DLG2: variants seen among roughly 807,000 people sequenced by gnomAD.
The protein encoded by DLG2 is disks large homolog 2.
DLG2 carries 45 observed loss-of-function variants against 132.5 expected under a neutral mutation model. The observed-to-expected ratio is 0.34, with a 90% CI of 0.27 to 0.44. The LOEUF is 0.44. Among genes scored for constraint, DLG2 ranks in the 20% least tolerant of loss-of-function variants. The probability of loss-of-function intolerance (pLI) is 1.00; values close to 1 mark genes in which losing one functional copy is unlikely to be tolerated. For synonymous variants in DLG2, 424 were observed against 419.6 expected (o/e 1.01, Z -0.13); for missense variants, 1,045 against 1,196.9 (o/e 0.87, Z 1.87).
Position 84,162,426 on chromosome 11 carries a change from G to C in DLG2, c.624+1035C>G, listed in dbSNP as rs543289314. On this transcript the variant is annotated intron_variant, in intron 9 of 27. Transcript: ENST00000376104. ...TAATCTAGGTAGACCTTCTATCCTT[G>C]CAATTACATATTTTTCTAAAGTATT... 2.2e-3 allele frequency among the ~76,000 whole-genome samples: 327 copies of C among 151,238 alleles called. 1 individual carries two copies. Among genetic ancestry groups the C allele is most frequent in the African/African-American group, 7.4e-3 (307 of 41,280 alleles).
chr11:83,833,600 A>G lies in DLG2; in HGVS notation c.1722+14T>C. The G allele has an allele frequency of 1.2e-6, 2 of 1,604,370 alleles. No individual in the cohort carries two copies. Among genetic ancestry groups the G allele is most frequent in the Non-Finnish European group, 1.7e-6 (2 of 1,175,640 alleles). The stretch of plus-strand genomic sequence containing the variant: ...CAGATATGGAGGGAATAAAGATTAA[A>G]GAAACATACTCACCGATAGGATCTG... On this transcript the variant is annotated intron_variant, in intron 17 of 27. Transcript: ENST00000376104.
At chr11:83,777,304 G>C (rs373709097) in intron 18 of DLG2, among the ~76,000 whole-genome samples, 1 of 152,150 alleles carries the variant, frequency 6.6e-6, no homozygotes, top group East Asian at 1.9e-4. Context: ...GTCTTTTAAA[G>C]ACTTAGGTAA....
chr11:83,654,704 G>T (rs1379121937), intron 18 of DLG2, among the ~76,000 whole-genome samples: 1 of 152,226 alleles, frequency 6.6e-6, no homozygotes, highest in Non-Finnish European at 1.5e-5. Context: ...CCAGCAGAGA[G>T]TCTTGTATGA....
At chr11:85,080,910 G>C (rs999487176) in intron 6 of DLG2, among the ~76,000 whole-genome samples, 1 of 151,976 alleles carries the variant, frequency 6.6e-6, no homozygotes, top group Admixed American at 6.6e-5. Flanking sequence ...GTTAATTTAG[G>C]ATTTGAATTG....
intron 19 of DLG2, among the ~76,000 whole-genome samples, chr11:83,570,063 C>T (rs935059179): frequency 6.6e-6 from 1 of 152,198 alleles, no homozygotes; most frequent in Non-Finnish European, 1.5e-5. Flanking sequence ...ATGCACTTAG[C>T]AGTGTCTGGG....
chr11:84,725,804 C>A (rs538842697), intron 6 of DLG2, among the ~76,000 whole-genome samples: 2 of 151,498 alleles, frequency 1.3e-5, no homozygotes, highest in African/African-American at 4.8e-5. Context: ...TTTGTATTAG[C>A]CACTCAGTAA....
chr11:84,635,000 T>C (rs546625787), intron 6 of DLG2, among the ~76,000 whole-genome samples: 1 of 152,224 alleles, frequency 6.6e-6, no homozygotes, highest in African/African-American at 2.4e-5. Context: ...GCACAATAAT[T>C]CAATCCGCTG....
intron 6 of DLG2, chr11:84,923,474 GA>G: frequency 1.5e-6 from 1 of 666,562 alleles, no homozygotes; most frequent in Non-Finnish European, 1.8e-6. Context: ...ACTCAGGAAG[GA>G]GGGGGGGAAA....
intron 7 of DLG2, among the ~76,000 whole-genome samples, chr11:84,465,524 A>G (rs2099091878): frequency 6.6e-6 from 1 of 151,232 alleles, no homozygotes; most frequent in Admixed American, 6.6e-5. Context: ...AAGCTTCATT[A>G]TGGCTTAAAT....
At chr11:84,426,459 G>A (rs1387989483) in intron 7 of DLG2, among the ~76,000 whole-genome samples, 1 of 152,084 alleles carries the variant, frequency 6.6e-6, no homozygotes, top group East Asian at 1.9e-4. Context: ...TGCATCTTTG[G>A]ACATATTAAT....
At chr11:85,324,412 T>G (rs1463162051) in intron 3 of DLG2, among the ~76,000 whole-genome samples, 1 of 152,174 alleles carries the variant, frequency 6.6e-6, no homozygotes, top group African/African-American at 2.4e-5. Flanking sequence ...GAACTCAAAA[T>G]GTATATGTTG....
At chr11:85,395,942 GAACA>G (rs1417126856) in intron 3 of DLG2, among the ~76,000 whole-genome samples, 2 of 152,214 alleles carry the variant, frequency 1.3e-5, no homozygotes, top group East Asian at 1.9e-4. Flanking sequence ...TGAGCTCTGA[GAACA>G]AACAGACTGC....
intron 6 of DLG2, among the ~76,000 whole-genome samples, chr11:84,774,020 T>G (rs563966948): frequency 6.6e-6 from 1 of 152,168 alleles, no homozygotes; most frequent in Non-Finnish European, 1.5e-5. Flanking sequence ...TGATATAATT[T>G]TATCCCAGGA....
At chr11:84,317,158 C>T in intron 7 of DLG2, 12 of 1,597,336 alleles carry the variant, frequency 7.5e-6, no homozygotes, top group Non-Finnish European at 1.0e-5. Context: ...TGCACTGATG[C>T]CTACTCTTTC....
chr11:84,763,403 T>C (rs1429067691), intron 6 of DLG2: 1 of 152,200 alleles, frequency 6.6e-6, no homozygotes, highest in Non-Finnish European at 1.5e-5. Context: ...TTTAATCAGC[T>C]TCCATTTACC....
At chr11:85,129,923 G>GA (rs201821319) in intron 5 of DLG2, among the ~76,000 whole-genome samples, 1,577 of 152,206 alleles carry the variant, frequency 0.01, 23 homozygotes, top group African/African-American at 0.032. Flanking sequence ...GGATGAAGCT[G>GA]AAAATCATCA....
chr11:84,911,401 A>G (rs2092045796), intron 6 of DLG2, among the ~76,000 whole-genome samples: 1 of 151,792 alleles, frequency 6.6e-6, no homozygotes. Flanking sequence ...AAATATTTTA[A>G]CCTGTATTTA....
intron 6 of DLG2, among the ~76,000 whole-genome samples, chr11:84,831,576 A>G (rs769160193): frequency 8.6e-5 from 13 of 151,694 alleles, no homozygotes; most frequent in Admixed American, 2.0e-4. Flanking sequence ...ACAGGAAAAA[A>G]TTAAAGGAAT....
At chr11:85,234,049 G>T (rs2075446202) in intron 4 of DLG2, among the ~76,000 whole-genome samples, 1 of 151,840 alleles carries the variant, frequency 6.6e-6, no homozygotes, top group African/African-American at 2.4e-5. Flanking sequence ...CATCCACTGT[G>T]CTGGGTAATG....
Sources: allele counts gnomAD v4.1 joint callset (sites outside exome capture counted in the v4.1 genomes callset), GRCh38; gene constraint gnomAD v4.1.1; transcripts MANE v1.5; gene names NCBI Gene and HGNC (gene_info 2026-07-23, HGNC 2026-07-21).